Variants in AMMECR1 observed in about 807,000 individuals in gnomAD.
The protein encoded by AMMECR1 is nuclear protein AMMECR1.
A neutral mutation model predicts 22.5 loss-of-function variants in AMMECR1; 3 were observed. The observed-to-expected ratio is 0.13, with a 90% CI of 0.06 to 0.35. The LOEUF is 0.35. Ranked by LOEUF, AMMECR1 falls within the 10% of genes least tolerant of loss-of-function variation. AMMECR1 has a pLI of 1.00. For missense variants in AMMECR1, 235 were observed against 278.7 expected (o/e 0.84, Z 1.12); for synonymous variants, 130 against 116.7 (o/e 1.11, Z -0.74).
chrX:110,233,721 T>C (rs907918367), intron 2 of AMMECR1, among the ~76,000 whole-genome samples: 2 of 112,022 alleles, frequency 1.8e-5, no homozygotes, highest in Non-Finnish European at 3.8e-5. Context: ...ACAGAACCAA[T>C]GACAAAAAAC....
Position 110,405,097 on chromosome X carries a change from C to A in AMMECR1, c.-148+21561G>T, listed in dbSNP as rs186850485. On this transcript the variant is annotated intron_variant, in intron 2 of 7. Coordinates refer to the AMMECR1 transcript ENST00000372057. The stretch of plus-strand genomic sequence containing the variant: ...AGGTGTGCTTGTTGTGTCCCCCCCC[C>A]CCCCAAGCATGAGTCAGAGCCTTTC... Among the ~76,000 whole-genome samples, 223 of 101,239 alleles carry A rather than the reference C, an allele frequency of 2.2e-3. 6 individuals carry two copies. The highest frequency in any genetic ancestry group is 9.7e-3 in the Middle Eastern group (2 of 207). The allele number at this position is 101,239 out of a possible 115,157, so 87.9% of individuals were successfully genotyped here. A position where few individuals can be genotyped will look rare whatever the true frequency, so the allele number is the denominator to read the frequency against.
At chrX:110,380,160 G>A (rs2068408696) in intron 2 of AMMECR1, among the ~76,000 whole-genome samples, 1 of 111,662 alleles carries the variant, frequency 9.0e-6, no homozygotes, top group Non-Finnish European at 1.9e-5. Flanking sequence ...GTACAGACAT[G>A]GGAAAATGTA....
chrX:110,398,381 T>A (rs1025713907), intron 2 of AMMECR1, among the ~76,000 whole-genome samples: 1 of 112,415 alleles, frequency 8.9e-6, no homozygotes, highest in Middle Eastern at 4.6e-3. Flanking sequence ...TCATTTACTC[T>A]CCACAACTCC....
rs1468831844 is a variant in AMMECR1 at position 110,194,795 on chromosome X, T to C, written c.*3725A>G. ...ATAAAAAACAAGGAAAACATATATT[T>C]GTATATAAAGGATCAATGCTGGTCT... On this transcript the variant is annotated 3_prime_UTR_variant, in exon 6 of 6. Transcript: ENST00000262844. The C allele has an allele frequency of 8.9e-6, 1 of 111,875 alleles. No individual in the cohort carries two copies. Among genetic ancestry groups the C allele is most frequent in the Non-Finnish European group, 1.9e-5 (1 of 53,174 alleles). The allele number at this position is 111,875 out of a possible 1,213,427, so 9.2% of individuals were successfully genotyped here.
upstream of AMMECR1, among the ~76,000 whole-genome samples, chrX:110,320,368 C>T (rs2068074444): frequency 9.0e-6 from 1 of 111,339 alleles, no homozygotes; most frequent in African/African-American, 3.3e-5. Flanking sequence ...CAATAGGTAT[C>T]GATTTACTCC....
At chrX:110,336,855 G>A (rs2068143707) in intron 2 of AMMECR1, among the ~76,000 whole-genome samples, 1 of 111,595 alleles carries the variant, frequency 9.0e-6, no homozygotes, top group Admixed American at 9.5e-5. Flanking sequence ...CCTGAGGTAG[G>A]GAAGGCTGCC....
chrX:110,245,876 A>T (rs753334460), intron 2 of AMMECR1, among the ~76,000 whole-genome samples: 1 of 111,607 alleles, frequency 9.0e-6, no homozygotes, highest in South Asian at 3.7e-4. Context: ...ACTACAACCG[A>T]AACTTCACAA....
intron 2 of AMMECR1, among the ~76,000 whole-genome samples, chrX:110,253,027 T>A (rs2067693872): frequency 8.9e-6 from 1 of 111,847 alleles, no homozygotes; most frequent in Admixed American, 9.5e-5. Context: ...AGTAGAAGAC[T>A]GTTGCAAGTA....
intron 1 of AMMECR1, among the ~76,000 whole-genome samples, chrX:110,281,505 T>C (rs1192921869): frequency 8.9e-6 from 1 of 112,072 alleles, no homozygotes; most frequent in Non-Finnish European, 1.9e-5. Context: ...ACTCTAACAG[T>C]ATTTGTTGTG....
chrX:110,404,881 A>T (rs1400296258), intron 2 of AMMECR1, among the ~76,000 whole-genome samples: 2 of 111,826 alleles, frequency 1.8e-5, no homozygotes, highest in East Asian at 5.6e-4. Context: ...GTGTTATATT[A>T]ATAACCAGGA....
chrX:110,250,953 C>T (rs1030519836), intron 2 of AMMECR1, among the ~76,000 whole-genome samples: 1 of 112,219 alleles, frequency 8.9e-6, no homozygotes, highest in African/African-American at 3.2e-5. Flanking sequence ...ATAAAGATCC[C>T]TGTCCTCTGG....
chrX:110,292,003 A>G (rs978532075), intron 1 of AMMECR1, among the ~76,000 whole-genome samples: 4 of 112,265 alleles, frequency 3.6e-5, no homozygotes, highest in Non-Finnish European at 5.6e-5. Context: ...AGAAACAGGT[A>G]CTGCTGTCTA....
chrX:110,292,845 G>A (rs969062839), intron 1 of AMMECR1, among the ~76,000 whole-genome samples: 3 of 111,923 alleles, frequency 2.7e-5, no homozygotes, highest in Non-Finnish European at 5.6e-5. Flanking sequence ...TGAAGTTTGG[G>A]TGATAATGAT....
At chrX:110,425,881 G>A (rs2068749317) in intron 2 of AMMECR1, among the ~76,000 whole-genome samples, 1 of 112,525 alleles carries the variant, frequency 8.9e-6, no homozygotes, top group Non-Finnish European at 1.9e-5. Flanking sequence ...ATAGACAAAT[G>A]TATTCATTTC....
At chrX:110,428,758 T>TC in intron 1 of AMMECR1, among the ~76,000 whole-genome samples, 1 of 109,805 alleles carries the variant, frequency 9.1e-6, no homozygotes, top group East Asian at 2.9e-4. Context: ...CAACCATACC[T>TC]CCCCCCATTC....
Position 110,318,077 on chromosome X carries a change from A to G in AMMECR1, c.-6T>C, listed in dbSNP as rs919218505. On this transcript the variant is annotated 5_prime_UTR_variant, in exon 1 of 6. Transcript: ENST00000262844. Reference sequence around the variant, plus strand: ...CCGCAGCAACCCGCCGCCATCTTGGAACAGTCTCCCCCACGCAGCGTTTCC... The same window carrying G: ...CCGCAGCAACCCGCCGCCATCTTGGGACAGTCTCCCCCACGCAGCGTTTCC... 5.1e-6 allele frequency: 6 copies of G among 1,186,322 alleles called. No individual in the cohort carries two copies. The highest frequency in any genetic ancestry group is 3.5e-5 in the African/African-American group (2 of 56,394).
chrX:110,201,384 C>T (rs1479810286), intron 4 of AMMECR1, among the ~76,000 whole-genome samples: 1 of 111,858 alleles, frequency 8.9e-6, no homozygotes, highest in Non-Finnish European at 1.9e-5. Flanking sequence ...CTAACAGTGA[C>T]ATCTTTAAAA....
In AMMECR1 at chrX:110,307,779, A is replaced by G. The variant is rs553433561; in HGVS notation, c.473+9820T>C. Among the ~76,000 whole-genome samples, 26 of 109,786 alleles carry G rather than the reference A, an allele frequency of 2.4e-4. No homozygotes were observed. In the South Asian group the frequency reaches 3.2e-3, roughly 13 times the overall value. On this transcript the variant is annotated intron_variant, in intron 1 of 5. Coordinates refer to ENST00000262844, the MANE Select transcript of AMMECR1 (RefSeq NM_015365.3). ...CAAATGGTTTTCAATATGGTCTCTT[A>G]TAAGTATTAAAAGGACCCATAGCAG...
In AMMECR1 at chrX:110,200,970, T is replaced by C; in HGVS notation, c.871A>G (p.Thr291Ala). The C allele has an allele frequency of 8.3e-7, 1 of 1,207,027 alleles. No homozygotes were observed. Among genetic ancestry groups the C allele is most frequent in the East Asian group, 3.0e-5 (1 of 33,811 alleles). The change falls in exon 5 of 6, where the codon ACC becomes GCC. Residue 291 changes from threonine to alanine, a missense_variant. Thr to Ala is a moderately conservative substitution (Grantham distance 58). Transcript: ENST00000262844. Reference protein sequence around the residue: ...KAPITNEFRKTIKLTRYRSEK... With the variant: ...KAPITNEFRKAIKLTRYRSEK... ...CTTCTGTACCTGGTCAGTTTTATGG[T>C]TTTCCTGAATTCATTAGTAATCGGA...
Sources: allele counts gnomAD v4.1 joint callset (sites outside exome capture counted in the v4.1 genomes callset), GRCh38; gene constraint gnomAD v4.1.1; transcripts MANE v1.5; gene names NCBI Gene and HGNC (gene_info 2026-07-23, HGNC 2026-07-21).